Variants in SPG11 observed in about 807,000 individuals in gnomAD.
SPG11 encodes spatacsin.
In SPG11, 222 loss-of-function variants were observed where a neutral mutation model predicts 274.0. The observed-to-expected ratio is 0.81, with a 90% CI of 0.73 to 0.91. The LOEUF (loss-of-function observed/expected upper bound fraction) is 0.91, where lower values mean the gene tolerates loss of function less well. SPG11 is among the 40% of genes least tolerant of loss of function. SPG11 has a pLI of 0.00. For synonymous variants in SPG11, 1,144 were observed against 1,039.7 expected (o/e 1.10, Z -1.93); for missense variants, 3,114 against 2,872.7 (o/e 1.08, Z -1.92).
intron 1 of SPG11, among the ~76,000 whole-genome samples, chr15:44,662,596 G>A (rs954350088): frequency 2.7e-5 from 4 of 148,272 alleles, no homozygotes; most frequent in African/African-American, 1.0e-4. Flanking sequence ...GCTGGCTGCC[G>A]TGAACCGTGA....
rs1234791057 is a variant in SPG11, at chr15:44,598,283, T to C, written c.3983A>G (p.Gln1328Arg). Residue 1328 changes from glutamine to arginine, a missense_variant, in exon 23 of 40, where the codon CAG becomes CGG. Coordinates refer to ENST00000261866, the MANE Select transcript of SPG11 (RefSeq NM_025137.4). The stretch of plus-strand genomic sequence containing the variant: ...CACAAACCTCTTTATTTCCTGTTGC[T>C]GAATGCTGTTCCATGTACCTTCTTC... ...LLEEGTWNSI[Q>R]QQEIKRLSSE... 6.2e-7 allele frequency: 1 copy of C among 1,613,642 alleles called. No individual in the cohort carries two copies. Among genetic ancestry groups the C allele is most frequent in the Non-Finnish European group, 8.5e-7 (1 of 1,179,528 alleles).
chr15:44,564,812 T>G, intron 38 of SPG11, 114 bp from the exon 39 acceptor site: 43 of 1,115,182 alleles, frequency 3.9e-5, no homozygotes, highest in Non-Finnish European at 5.3e-5. Flanking sequence ...ATATGATCAT[T>G]ACCAATTATG....
intron 36 of SPG11, among the ~76,000 whole-genome samples, chr15:44,567,082 T>G (rs1289411302): frequency 6.6e-6 from 1 of 151,648 alleles, no homozygotes; most frequent in Non-Finnish European, 1.5e-5. Context: ...CCGGGCATGG[T>G]GGCTCACACC....
At position 44,659,236 on chromosome 15, in the gene SPG11, T is replaced by C. The variant is rs373093870; in HGVS notation, c.510A>G (p.Lys170=). 3 of 1,614,218 alleles carry C rather than the reference T, an allele frequency of 1.9e-6. No homozygotes were observed. Among genetic ancestry groups the C allele is most frequent in the Non-Finnish European group, 2.5e-6 (3 of 1,180,012 alleles). Residue 170 remains lysine (K), a synonymous_variant, in exon 3 of 40, where the codon AAA becomes AAG. Coordinates refer to ENST00000261866, the MANE Select transcript of SPG11 (RefSeq NM_025137.4). ...HNNTSLLFIN[K]CVILHIIFPE... ...GAAATATAATATGTAGGATGACACA[T>C]TTGTTGATGAACAGTAATGATGTGT...
intron 20 of SPG11, among the ~76,000 whole-genome samples, chr15:44,602,125 T>C (rs111707091): frequency 3.3e-5 from 5 of 152,354 alleles, no homozygotes; most frequent in African/African-American, 1.2e-4. Flanking sequence ...TGGTAGAGTC[T>C]TTAGGATTTT....
chr15:44,612,589 G>A (rs549894986), intron 17 of SPG11, among the ~76,000 whole-genome samples: 4 of 152,138 alleles, frequency 2.6e-5, no homozygotes, highest in South Asian at 2.1e-4. Context: ...TAGAGACAGG[G>A]TCTTGCTATG....
In SPG11 at chr15:44,620,270, G is replaced by C. The variant is rs1288270516; in HGVS notation, c.2754C>G (p.Pro918=). Residue 918 remains proline, a synonymous_variant, in exon 15 of 40, where the codon CCC becomes CCG. Transcript: ENST00000261866. ...GGTTAATAACATCAACAGTCAGAAGGGGCCATTTGTTCTGCTGAAGTGAAG... is the reference window on the plus strand; with the variant it reads ...GGTTAATAACATCAACAGTCAGAAGCGGCCATTTGTTCTGCTGAAGTGAAG... ...SYASLQQNKW[P]LLTVDVINQN... is the part of the protein sequence containing the mutation. 6.2e-7 allele frequency: 1 copy of C among 1,613,958 alleles called. No homozygotes were observed. Among genetic ancestry groups the C allele is most frequent in the Non-Finnish European group, 8.5e-7 (1 of 1,179,986 alleles).
intron 27 of SPG11, chr15:44,590,646 T>C (rs572797121): frequency 1.3e-5 from 2 of 152,318 alleles, no homozygotes; most frequent in South Asian, 2.1e-4. Context: ...GGAAGACTAA[T>C]ATTTGGTTCT....
intron 32 of SPG11, 107 bp from the exon 33 acceptor site, chr15:44,572,927 G>A (rs1238644583): frequency 1.1e-5 from 12 of 1,072,990 alleles, no homozygotes; most frequent in Non-Finnish European, 1.6e-5. Context: ...GCAGCTCTCC[G>A]CTTGCTGAGC....
chr15:44,648,013 T>C (rs2084654213), intron 7 of SPG11, among the ~76,000 whole-genome samples: 1 of 152,242 alleles, frequency 6.6e-6, no homozygotes, highest in Non-Finnish European at 1.5e-5. Context: ...TTCTAGCTCC[T>C]GTCTTTATTA....
intron 10 of SPG11, among the ~76,000 whole-genome samples, chr15:44,628,324 A>AGAG (rs2083960588): frequency 6.6e-6 from 1 of 152,256 alleles, no homozygotes; most frequent in South Asian, 2.1e-4. Flanking sequence ...CAATTTATCC[A>AGAG]GTCAGGCAGA....
At chr15:44,631,580 T>C (rs771409773) in intron 8 of SPG11, among the ~76,000 whole-genome samples, 6 of 151,210 alleles carry the variant, frequency 4.0e-5, no homozygotes, top group Non-Finnish European at 7.4e-5. Flanking sequence ...ATTAGTTGTT[T>C]CAAAGCTACT....
At chr15:44,621,960 T>G (rs745397934) in intron 13 of SPG11, 26 bp from the exon 14 acceptor site, 88 of 1,560,746 alleles carry the variant, frequency 5.6e-5, no homozygotes, top group Admixed American at 7.5e-5. Context: ...TAAATTTTTT[T>G]TTTTTTAATT....
chr15:44,584,173 C>G lies in SPG11; in HGVS notation c.5507G>C (p.Ser1836Thr). 1.2e-6 allele frequency: 2 copies of G among 1,614,232 alleles called. No homozygotes were observed. ...ISTSGELSFD[S>T]LASEFSFSKL... ...GGAGAAGGAAAACTCACTGGCTAAACTATCAAAGGAAAGTTCACCACTAGT... is the reference window on the plus strand; with the variant it reads ...GGAGAAGGAAAACTCACTGGCTAAAGTATCAAAGGAAAGTTCACCACTAGT... Residue 1836 changes from serine (S) to threonine (T), a missense_variant, in exon 30 of 40, where the codon AGT becomes ACT. Coordinates refer to ENST00000261866, the MANE Select transcript of SPG11 (RefSeq NM_025137.4).
chr15:44,585,009 T>A (rs2082727957), intron 29 of SPG11, among the ~76,000 whole-genome samples: 1 of 152,144 alleles, frequency 6.6e-6, no homozygotes, highest in Admixed American at 6.5e-5. Flanking sequence ...ATCTGGAAAG[T>A]TATGGTATGA....
chr15:44,616,153 T>C (rs536446103), intron 15 of SPG11, among the ~76,000 whole-genome samples: 1 of 152,214 alleles, frequency 6.6e-6, no homozygotes, highest in South Asian at 2.1e-4. Flanking sequence ...TGCATGCCCT[T>C]TGCTACCTCC....
At chr15:44,641,904 C>T (rs1462288657) in intron 7 of SPG11, among the ~76,000 whole-genome samples, 1 of 111,854 alleles carries the variant, frequency 8.9e-6, no homozygotes, top group East Asian at 2.7e-4. Context: ...AGAAACTTTA[C>T]AGCAACACTG....
chr15:44,629,797 G>A (rs928913323), intron 8 of SPG11, among the ~76,000 whole-genome samples: 1 of 150,060 alleles, frequency 6.7e-6, no homozygotes, highest in Non-Finnish European at 1.5e-5. Context: ...AGGGCCGGGC[G>A]CAGTGGCTCA....
intron 20 of SPG11, among the ~76,000 whole-genome samples, chr15:44,603,051 C>A (rs970980451): frequency 2.7e-5 from 4 of 146,492 alleles, no homozygotes; most frequent in Non-Finnish European, 5.9e-5. Flanking sequence ...CTCCAACAGG[C>A]AATTTTTTTT....
Sources: allele counts gnomAD v4.1 joint callset (sites outside exome capture counted in the v4.1 genomes callset), GRCh38; gene constraint gnomAD v4.1.1; transcripts MANE v1.5; gene names NCBI Gene and HGNC (gene_info 2026-07-23, HGNC 2026-07-21).